WDR64: variants seen among roughly 807,000 people sequenced by gnomAD.
WDR64 encodes the protein WD repeat domain 64.
In WDR64, 112 loss-of-function variants were observed where a neutral mutation model predicts 139.3. That is an observed-to-expected ratio of 0.80 (90% CI 0.69 to 0.94). The LOEUF (loss-of-function observed/expected upper bound fraction) is 0.94. WDR64 is among the 40% of genes least tolerant of loss of function. The pLI, the probability that WDR64 is intolerant of heterozygous loss-of-function variation, is 0.00. For synonymous variants in WDR64, 444 were observed against 437.7 expected, an observed-to-expected ratio of 1.01 and a Z score of -0.18; for missense variants, 1,206 against 1,293.1, an observed-to-expected ratio of 0.93 and a Z score of 1.03.
chr1:241,770,530 A>G (rs1440951316), intron 17 of WDR64, 91 bp from the exon 18 acceptor site: 2 of 1,005,006 alleles, frequency 2.0e-6, no homozygotes, highest in East Asian at 5.7e-5. Context: ...GAAAGAAGCA[A>G]TCAGCTGAAA....
chr1:241,737,121 C>T (rs1050111149), intron 10 of WDR64, among the ~76,000 whole-genome samples: 2 of 152,154 alleles, frequency 1.3e-5, no homozygotes, highest in African/African-American at 2.4e-5. Context: ...TACTTGTTTA[C>T]TTTATGATAC....
chr1:241,697,414 C>T (rs931073595), intron 8 of WDR64, among the ~76,000 whole-genome samples: 2 of 152,166 alleles, frequency 1.3e-5, no homozygotes, highest in African/African-American at 4.8e-5. Context: ...CCATCTTCTC[C>T]AGGATCTTGC....
At position 241,703,845 on chromosome 1, in the gene WDR64, A is replaced by C. The variant is rs1667833192; in HGVS notation, c.975-7957A>C. ...AAAGGGAAGCAAGGACCTTCTTCAC[A>C]TGATGGCAGGAGAGAGAAAAGTGAG... On this transcript the variant is annotated intron_variant, in intron 8 of 27. Transcript: ENST00000437684. This position sits in a 1 kb window ranked among gnomAD's most constrained non-coding sequence, Gnocchi z 5.9. Among the ~76,000 whole-genome samples the C allele has an allele frequency of 6.6e-6, 1 of 152,188 alleles. No homozygotes were observed.
At chr1:241,690,396 G>C (rs1667171478) in intron 8 of WDR64, among the ~76,000 whole-genome samples, 1 of 151,352 alleles carries the variant, frequency 6.6e-6, no homozygotes, top group Non-Finnish European at 1.5e-5. Context: ...GCTTAAACCT[G>C]GGAGGCGGAG....
At chr1:241,719,834 T>C (rs1358347447) in intron 9 of WDR64, among the ~76,000 whole-genome samples, 1 of 152,172 alleles carries the variant, frequency 6.6e-6, no homozygotes, top group Non-Finnish European at 1.5e-5. Flanking sequence ...CCAGGGTACA[T>C]GTGAAGGATG....
At chr1:241,690,026 G>A (rs1205746570) in intron 8 of WDR64, among the ~76,000 whole-genome samples, 2 of 150,774 alleles carry the variant, frequency 1.3e-5, no homozygotes, top group Admixed American at 1.3e-4. Flanking sequence ...AGGAAGAAAA[G>A]GTACATTTGA....
chr1:241,699,975 T>C (rs887355432), intron 8 of WDR64, among the ~76,000 whole-genome samples: 6 of 151,764 alleles, frequency 4.0e-5, no homozygotes, highest in Middle Eastern at 3.2e-3. Context: ...GAGAATGGAT[T>C]GGGGAAGGGC....
At chr1:241,729,699 GA>G (rs1292041099) in intron 10 of WDR64, among the ~76,000 whole-genome samples, 2 of 152,114 alleles carry the variant, frequency 1.3e-5, no homozygotes, top group Admixed American at 1.3e-4. Flanking sequence ...TGGTGAGTGA[GA>G]AATGTGTAAA....
chr1:241,711,697 ACAAC>A, intron 8 of WDR64, 101 bp from the exon 9 acceptor site: 1 of 1,188,814 alleles, frequency 8.4e-7, no homozygotes, highest in Non-Finnish European at 1.2e-6. Context: ...AAATGGATTT[ACAAC>A]CAACTTAGAA....
intron 11 of WDR64, among the ~76,000 whole-genome samples, chr1:241,739,907 T>G (rs144353081): frequency 4.6e-5 from 7 of 152,358 alleles, no homozygotes; most frequent in African/African-American, 1.7e-4. Flanking sequence ...CCATCAGTCC[T>G]CTAAATCCCA....
Position 241,749,614 on chromosome 1 carries a change from G to A in WDR64, c.1662G>A (p.Trp554Ter), listed in dbSNP as rs749783332. 4.3e-6 allele frequency: 7 copies of A among 1,614,084 alleles called. No homozygotes were observed. Among genetic ancestry groups the A allele is most frequent in the Admixed American group, 1.7e-5 (1 of 60,026 alleles). The change falls in exon 14 of 28, where the codon TGG becomes TGA. Residue 554 changes from tryptophan (W) to a stop codon, truncating the protein, a stop_gained. Transcript: ENST00000437684. LOFTEE classifies it high-confidence loss of function. Reference protein sequence around the residue: ...EMKVLPEGKDWKEDEHCLRRL... With the variant: ...EMKVLPEGKD ...AGGTGTTGCCGGAGGGGAAAGACTG[G>A]AAGGAGGACGAGCACTGCCTACGAC...
chr1:241,730,448 C>T (rs28394632), intron 10 of WDR64, among the ~76,000 whole-genome samples: 62,045 of 151,980 alleles, frequency 0.41, 13,642 homozygotes, highest in African/African-American at 0.56. Flanking sequence ...ATTTTTATTG[C>T]GTTTCTGAGT....
intron 10 of WDR64, 91 bp from the exon 11 acceptor site, chr1:241,738,272 G>C: frequency 6.8e-7 from 1 of 1,460,352 alleles, no homozygotes; most frequent in Non-Finnish European, 9.3e-7. Flanking sequence ...GTTTATAAGA[G>C]TGTATTTCAA....
intron 11 of WDR64, 109 bp from the exon 12 acceptor site, chr1:241,741,407 T>C (rs1271712975): frequency 2.4e-6 from 2 of 847,000 alleles, no homozygotes; most frequent in African/African-American, 3.5e-5. Context: ...TGATTGATAT[T>C]GCTAATCTCA....
At chr1:241,767,361 G>A (rs935589965) in intron 16 of WDR64, among the ~76,000 whole-genome samples, 12 of 148,108 alleles carry the variant, frequency 8.1e-5, no homozygotes, top group African/African-American at 3.0e-4. Flanking sequence ...TGCATTTGTT[G>A]AGAAGGAACT....
chr1:241,770,569 A>G, intron 17 of WDR64, 52 bp from the exon 18 acceptor site: 1 of 1,467,168 alleles, frequency 6.8e-7, no homozygotes, highest in East Asian at 2.5e-5. Context: ...CCCTTTGAGT[A>G]TGGTAGCATA....
intron 1 of WDR64, among the ~76,000 whole-genome samples, chr1:241,655,305 C>G (rs1045347289): frequency 2.6e-5 from 4 of 152,064 alleles, no homozygotes; most frequent in African/African-American, 9.7e-5. Flanking sequence ...ATTGCTTGAA[C>G]CAGGACCCGG....
Position 241,801,141 on chromosome 1 carries a change from A to C in WDR64, c.3202A>C (p.Arg1068=), listed in dbSNP as rs749197896. 4 of 1,613,686 alleles carry C rather than the reference A, an allele frequency of 2.5e-6. No individual in the cohort carries two copies. Residue 1068 remains arginine, a synonymous_variant, in exon 28 of 28, where the codon AGA becomes CGA. Coordinates refer to ENST00000437684, the MANE Select transcript of WDR64 (RefSeq NM_001367482.1). ...GCTCTTTATTTCACAGGCACCACGA[A>C]GAAGAAGTTTGAAAAAAAATTTAGT... ...GHVQREKAPR[R]RSLKKNLVPQ... is the part of the protein sequence containing the mutation.
rs1219769163 is a variant in WDR64 at position 241,652,756 on chromosome 1, C to A, written c.145+127C>A. 3.5e-6 allele frequency: 4 copies of A among 1,127,642 alleles called. No homozygotes were observed. In the African/African-American group the frequency reaches 4.7e-5, roughly 13 times the overall value. 69.9% of individuals were successfully genotyped at this position (1,127,642 alleles called of 1,614,324 possible). ...ATGGGTGCTGAAAGGGGATGAAGAC[C>A]TCAGTTCTTGTTCTTTCTCTGTCCC... is the stretch of plus-strand genomic sequence containing the variant. On this transcript the variant is annotated intron_variant, in intron 1 of 27. Coordinates refer to ENST00000437684, the MANE Select transcript of WDR64 (RefSeq NM_001367482.1).
Sources: gnomAD v4.1 joint callset for allele counts (sites outside exome capture counted in the v4.1 genomes callset) on GRCh38, gnomAD v4.1.1 for gene constraint, Gnocchi (gnomAD v3.1) non-coding constraint, MANE v1.5 for transcripts, NCBI Gene and HGNC (gene_info 2026-07-23, HGNC 2026-07-21) for gene names.